Variants in KSR2 observed in about 807,000 individuals in gnomAD.
KSR2 encodes the protein kinase suppressor of ras 2.
KSR2 carries 25 observed loss-of-function variants against 107.8 expected under a neutral mutation model. The ratio of observed to expected loss-of-function variants is 0.23; its 90% CI spans 0.17 to 0.32. KSR2 has a LOEUF of 0.32. KSR2 is among the 10% of genes least tolerant of loss of function. The pLI, the probability that KSR2 is intolerant of heterozygous loss-of-function variation, is 1.00. For missense variants in KSR2, 887 were observed against 1,268.9 expected (o/e 0.70, Z 4.57); for synonymous variants, 480 against 507.0 (o/e 0.95, Z 0.71).
At chr12:117,841,696 T>C (rs1053334198) in intron 3 of KSR2, among the ~76,000 whole-genome samples, 1 of 152,148 alleles carries the variant, frequency 6.6e-6, no homozygotes, top group Admixed American at 6.5e-5. Flanking sequence ...CACTTTTTTA[T>C]GTGGGAAGCC....
At chr12:117,624,458 C>A (rs928942563) in intron 5 of KSR2, among the ~76,000 whole-genome samples, 4 of 152,200 alleles carry the variant, frequency 2.6e-5, no homozygotes, top group African/African-American at 9.7e-5. Flanking sequence ...GTTTTCCCAG[C>A]ACCATTTATT....
intron 9 of KSR2, among the ~76,000 whole-genome samples, chr12:117,541,427 C>G (rs1876486332): frequency 6.6e-6 from 1 of 152,180 alleles, no homozygotes; most frequent in African/African-American, 2.4e-5. Flanking sequence ...GCTTGAAAAG[C>G]TTTTCACCTC....
rs541905022 is a variant in KSR2, at chr12:117,655,536, A to G, written c.1171+11938T>C. Among the ~76,000 whole-genome samples, 7 of 152,310 alleles carry G rather than the reference A, an allele frequency of 4.6e-5. No individual in the cohort carries two copies. In the East Asian group the frequency reaches 1.3e-3, roughly 29 times the overall value. On this transcript the variant is annotated intron_variant, in intron 5 of 19. Coordinates refer to ENST00000339824, the MANE Select transcript of KSR2 (RefSeq NM_173598.6). Reference sequence around the variant, plus strand: ...ATAGCCAGAATTCACAGGTCCAGGAATCAAGGGGCGGAAGTGGCACCACCC... The same window carrying G: ...ATAGCCAGAATTCACAGGTCCAGGAGTCAAGGGGCGGAAGTGGCACCACCC...
intron 1 of KSR2, among the ~76,000 whole-genome samples, chr12:117,882,950 C>G (rs893367719): frequency 1.8e-4 from 27 of 151,956 alleles, no homozygotes; most frequent in African/African-American, 6.3e-4. Context: ...TGCAACCATC[C>G]ATTCAATCCA....
intron 8 of KSR2, 41 bp downstream of exon 8, chr12:117,558,465 C>T: frequency 1.3e-6 from 2 of 1,568,326 alleles, no homozygotes; most frequent in Non-Finnish European, 1.8e-6. Context: ...AGGAGCCCCA[C>T]CTCACCCCTG....
chr12:117,710,767 G>T (rs1565973915), intron 4 of KSR2, among the ~76,000 whole-genome samples: 1 of 152,118 alleles, frequency 6.6e-6, no homozygotes. Flanking sequence ...CTATCATGAT[G>T]GTGATATTTT....
rs1191569591 is a variant in KSR2, at chr12:117,625,006, G to C, written c.1171+42468C>G. Among the ~76,000 whole-genome samples the C allele has an allele frequency of 2.0e-5, 3 of 152,246 alleles. No homozygotes were observed. The East Asian group carries it at 5.8e-4, about 29-fold the overall frequency. Reference sequence around the variant, plus strand: ...TCATTCATGATTTGGCTCTCCGTTTGTCTGTTAATGGTGTATAGGAATGCT... The same window carrying C: ...TCATTCATGATTTGGCTCTCCGTTTCTCTGTTAATGGTGTATAGGAATGCT... On this transcript the variant is annotated intron_variant, in intron 5 of 19. Coordinates refer to ENST00000339824, the MANE Select transcript of KSR2 (RefSeq NM_173598.6).
At chr12:117,536,131 AC>A (rs1345154614) in intron 10 of KSR2, among the ~76,000 whole-genome samples, 5 of 151,894 alleles carry the variant, frequency 3.3e-5, no homozygotes, top group Non-Finnish European at 7.4e-5. Flanking sequence ...TGGCTGGTCA[AC>A]CCCCCCAGCC....
chr12:117,930,785 G>A (rs1593379090), intron 1 of KSR2, among the ~76,000 whole-genome samples: 1 of 152,052 alleles, frequency 6.6e-6, no homozygotes, highest in South Asian at 2.1e-4. Flanking sequence ...GTGGTGGCAC[G>A]TGCCTGTAGT....
chr12:117,848,841 G>GGTGGTGATGGTGGTAGTGGTGA (rs1892811014), intron 3 of KSR2, among the ~76,000 whole-genome samples: 2 of 141,780 alleles, frequency 1.4e-5, no homozygotes, highest in Non-Finnish European at 3.1e-5. Context: ...GGTAGTGGTG[G>GGTGGTGATGGTGGTAGTGGTGA]TGATGGTGAT....
chr12:117,858,476 G>T (rs1893173762), intron 2 of KSR2, among the ~76,000 whole-genome samples: 1 of 152,164 alleles, frequency 6.6e-6, no homozygotes, highest in Non-Finnish European at 1.5e-5. Context: ...CTGGAGGAAT[G>T]GAGCGGGGTG....
intron 3 of KSR2, among the ~76,000 whole-genome samples, chr12:117,830,599 T>C (rs890640691): frequency 4.6e-5 from 7 of 152,080 alleles, no homozygotes; most frequent in African/African-American, 1.4e-4. Context: ...AGAAAGAATA[T>C]ACCATCTCCT....
At chr12:117,800,504 T>C (rs1044578072) in intron 3 of KSR2, among the ~76,000 whole-genome samples, 1 of 152,228 alleles carries the variant, frequency 6.6e-6, no homozygotes, top group Admixed American at 6.5e-5. Context: ...GAAAAGCAGA[T>C]TCCAATAGGA....
At chr12:117,747,429 G>A (rs1888448936) in intron 4 of KSR2, among the ~76,000 whole-genome samples, 1 of 142,532 alleles carries the variant, frequency 7.0e-6, no homozygotes, top group South Asian at 2.5e-4. Flanking sequence ...ACCGGGGCCT[G>A]TTGGGGGGTG....
At chr12:117,623,162 C>G (rs2136345642) in intron 5 of KSR2, among the ~76,000 whole-genome samples, 1 of 152,328 alleles carries the variant, frequency 6.6e-6, no homozygotes, top group Non-Finnish European at 1.5e-5. Context: ...AATGAACACT[C>G]AGAGGTGAAT....
At chr12:117,658,425 A>G (rs1160561192) in intron 5 of KSR2, among the ~76,000 whole-genome samples, 1 of 152,202 alleles carries the variant, frequency 6.6e-6, no homozygotes, top group East Asian at 1.9e-4. Context: ...ACATCCCATG[A>G]ACCAAATCTG....
chr12:117,601,876 T>A (rs1372175920), intron 5 of KSR2, among the ~76,000 whole-genome samples: 2 of 152,176 alleles, frequency 1.3e-5, no homozygotes, highest in African/African-American at 4.8e-5. Context: ...CTGACTTCCA[T>A]CATCTGGCTG....
intron 3 of KSR2, among the ~76,000 whole-genome samples, chr12:117,783,126 T>C (rs1025882782): frequency 3.3e-5 from 5 of 152,224 alleles, no homozygotes; most frequent in Admixed American, 1.3e-4. Flanking sequence ...ATCACCCTTT[T>C]TTGGAAAGTG....
At chr12:117,840,184 G>A (rs1593291507) in intron 3 of KSR2, among the ~76,000 whole-genome samples, 1 of 151,060 alleles carries the variant, frequency 6.6e-6, no homozygotes, top group Non-Finnish European at 1.5e-5. Flanking sequence ...TGCAGCGTCC[G>A]CCTCCAGGGT....
Sources: gnomAD v4.1 joint callset for allele counts (sites outside exome capture counted in the v4.1 genomes callset) on GRCh38, gnomAD v4.1.1 for gene constraint, MANE v1.5 for transcripts, NCBI Gene and HGNC (gene_info 2026-07-23, HGNC 2026-07-21) for gene names.